The following CNOT1 variants were observed in gnomAD, a reference collection of about 807,000 sequenced individuals.
CNOT1 encodes CCR4-associated factor 1.
CNOT1 carries 15 observed loss-of-function variants against 273.8 expected under a neutral mutation model. The ratio of observed to expected loss-of-function variants is 0.05; its 90% CI spans 0.04 to 0.08. CNOT1 has a LOEUF of 0.08. Ranked by LOEUF, CNOT1 falls within the 10% of genes least tolerant of loss-of-function variation. The probability of loss-of-function intolerance (pLI) is 1.00; values close to 1 mark genes in which losing one functional copy is unlikely to be tolerated. For missense variants in CNOT1, 1,644 were observed against 2,912.2 expected, an observed-to-expected ratio of 0.56 and a Z score of 10.02; for synonymous variants, 1,022 against 1,005.5, an observed-to-expected ratio of 1.02 and a Z score of -0.31.
At position 58,602,420 on chromosome 16, in the gene CNOT1, G is replaced by A. The variant is rs139369533; in HGVS notation, c.-174-2909C>T. Among the ~76,000 whole-genome samples, 565 of 151,954 alleles carry A rather than the reference G, an allele frequency of 3.7e-3. 3 individuals carry two copies. Among genetic ancestry groups the A allele is most frequent in the Middle Eastern group, 0.017 (5 of 294 alleles). On this transcript the variant is annotated intron_variant, in intron 1 of 48. Transcript: ENST00000317147. Reference sequence around the variant, plus strand: ...AACCATCTGTAGGCCGGGTGTGGTGGTGCACACCTATAATCCCAGCTACTT... The same window carrying A: ...AACCATCTGTAGGCCGGGTGTGGTGATGCACACCTATAATCCCAGCTACTT...
Position 58,619,828 on chromosome 16 carries a change from G to C in CNOT1, c.-175+9900C>G, listed in dbSNP as rs79809817. 2.0e-3 allele frequency among the ~76,000 whole-genome samples: 306 copies of C among 152,222 alleles called. 1 individual carries two copies. Among genetic ancestry groups the C allele is most frequent in the African/African-American group, 7.1e-3 (296 of 41,544 alleles). On this transcript the variant is annotated intron_variant, in intron 1 of 48. Transcript: ENST00000317147. The stretch of plus-strand genomic sequence containing the variant: ...CCTTATTTGCTTTGGTCACAACTAA[G>C]AAAACTCTATCCAAATAAAAGGTTG...
intron 2 of CNOT1, among the ~76,000 whole-genome samples, chr16:58,592,317 CTT>C (rs2151994470): frequency 6.6e-6 from 1 of 152,072 alleles, no homozygotes; most frequent in African/African-American, 2.4e-5. Context: ...AAATGTTTGT[CTT>C]TAATTACTGC....
chr16:58,541,771 T>C (rs560846310), intron 33 of CNOT1, 151 bp from the exon 34 acceptor site: 6 of 694,050 alleles, frequency 8.6e-6, no homozygotes, highest in Admixed American at 2.8e-5. Context: ...CACACACAAA[T>C]GCAGTTCAGA....
intron 2 of CNOT1, among the ~76,000 whole-genome samples, chr16:58,594,728 G>A (rs2151998671): frequency 6.6e-6 from 1 of 151,812 alleles, no homozygotes; most frequent in South Asian, 2.1e-4. Flanking sequence ...CTTGAACCCA[G>A]GAGGCGGGGA....
intron 22 of CNOT1, 56 bp downstream of exon 22, chr16:58,553,726 T>C (rs1597447121): frequency 1.9e-6 from 3 of 1,554,938 alleles, no homozygotes; most frequent in Non-Finnish European, 2.6e-6. Flanking sequence ...AGCCAAAATA[T>C]TAAACCCTCC....
At chr16:58,616,453 T>C (rs8046643) in intron 1 of CNOT1, among the ~76,000 whole-genome samples, 59,050 of 151,784 alleles carry the variant, frequency 0.39, 12,867 homozygotes, top group African/African-American at 0.59. Context: ...GATGGGGTCT[T>C]GCTATATTGC....
intron 1 of CNOT1, among the ~76,000 whole-genome samples, chr16:58,601,193 C>T (rs902103768): frequency 1.3e-5 from 2 of 152,124 alleles, no homozygotes; most frequent in African/African-American, 4.8e-5. Context: ...TGACCTCAGG[C>T]GATCCACCTG....
At chr16:58,589,017 T>G in intron 2 of CNOT1, 111 bp from the exon 3 acceptor site, 2 of 1,287,794 alleles carry the variant, frequency 1.6e-6, no homozygotes, top group South Asian at 1.5e-5. Flanking sequence ...TTTACATTAG[T>G]TACTCATTTT....
intron 16 of CNOT1, among the ~76,000 whole-genome samples, chr16:58,569,323 A>G (rs574999240): frequency 6.6e-6 from 1 of 152,238 alleles, no homozygotes; most frequent in South Asian, 2.1e-4. Flanking sequence ...GAGTTTTGCC[A>G]TGTTGGCCAG....
chr16:58,612,660 A>G (rs1201721651), intron 1 of CNOT1, among the ~76,000 whole-genome samples: 7 of 151,962 alleles, frequency 4.6e-5, no homozygotes, highest in Admixed American at 3.9e-4. Context: ...AATAGCTTGA[A>G]CCCAGGAGGG....
At chr16:58,587,967 C>A in intron 3 of CNOT1, 89 bp from the exon 4 acceptor site, 1 of 1,266,870 alleles carries the variant, frequency 7.9e-7, no homozygotes, top group Non-Finnish European at 1.1e-6. Flanking sequence ...AAAATGTGAT[C>A]TAACACTATA....
intron 43 of CNOT1, among the ~76,000 whole-genome samples, chr16:58,528,892 C>A (rs2039684134): frequency 6.7e-6 from 1 of 149,526 alleles, no homozygotes. Context: ...GAAGAGGAGA[C>A]TGGACAAAAA....
intron 1 of CNOT1, among the ~76,000 whole-genome samples, chr16:58,608,590 A>C (rs1287224059): frequency 6.6e-6 from 1 of 151,592 alleles, no homozygotes; most frequent in Non-Finnish European, 1.5e-5. Context: ...TAGAACTATC[A>C]TTTGATCCAG....
At chr16:58,596,746 G>C (rs2042266864) in intron 2 of CNOT1, among the ~76,000 whole-genome samples, 1 of 151,926 alleles carries the variant, frequency 6.6e-6, no homozygotes, top group South Asian at 2.1e-4. Flanking sequence ...AAATTAGCCG[G>C]GTGTGGTGGC....
intron 39 of CNOT1, among the ~76,000 whole-genome samples, chr16:58,535,918 T>G (rs2039915470): frequency 6.6e-6 from 1 of 151,992 alleles, no homozygotes; most frequent in Non-Finnish European, 1.5e-5. Context: ...GTATTTTTAG[T>G]AGAGACAGGG....
rs7184114 is a variant in CNOT1 at position 58,551,465 on chromosome 16, C to A, written c.3201+124G>T. The stretch of plus-strand genomic sequence containing the variant: ...TAAGGATGGGAGATACAAAGGAAGA[C>A]ATGTCAGTCTTTTATATCTTTTTTA... On this transcript the variant is annotated intron_variant, in intron 23 of 48. Transcript: ENST00000317147. The A allele has an allele frequency of 0.68, 842,538 of 1,247,326 alleles. 287,708 individuals are homozygous for A. Among genetic ancestry groups the A allele is most frequent in the African/African-American group, 0.83 (55,169 of 66,218 alleles). The allele number at this position is 1,247,326 out of a possible 1,614,324, so 77.3% of individuals were successfully genotyped here.
intron 2 of CNOT1, among the ~76,000 whole-genome samples, chr16:58,592,549 A>G (rs2042101088): frequency 6.6e-6 from 1 of 152,156 alleles, no homozygotes; most frequent in Non-Finnish European, 1.5e-5. Flanking sequence ...GTGAACAGCC[A>G]CTGCATTCCA....
At position 58,520,924 on chromosome 16, in the gene CNOT1, T is replaced by G. The variant is rs1342176819; in HGVS notation, c.*34A>C. 7 of 1,602,918 alleles carry G rather than the reference T, an allele frequency of 4.4e-6. No homozygotes were observed. The highest frequency in any genetic ancestry group is 6.0e-6 in the Non-Finnish European group (7 of 1,174,326). ...TATGAACTCGGTGCAGTGAGACCTCTAGACTGACACGTACAACAGAGATGC... is the reference window on the plus strand; with the variant it reads ...TATGAACTCGGTGCAGTGAGACCTCGAGACTGACACGTACAACAGAGATGC... On this transcript the variant is annotated 3_prime_UTR_variant, in exon 49 of 49. Coordinates refer to ENST00000317147, the MANE Select transcript of CNOT1 (RefSeq NM_016284.5).
intron 16 of CNOT1, among the ~76,000 whole-genome samples, chr16:58,572,706 G>A (rs947089880): frequency 6.6e-6 from 1 of 151,902 alleles, no homozygotes; most frequent in Non-Finnish European, 1.5e-5. Context: ...TCAGGAGTTC[G>A]AGACCAGCCT....
Sources: gnomAD v4.1 joint callset for allele counts (sites outside exome capture counted in the v4.1 genomes callset) on GRCh38, gnomAD v4.1.1 for gene constraint, MANE v1.5 for transcripts, NCBI Gene and HGNC (gene_info 2026-07-23, HGNC 2026-07-21) for gene names.